PCDH10: variants seen among roughly 807,000 people sequenced by gnomAD.
PCDH10 encodes protocadherin-10.
In PCDH10, 15 loss-of-function variants were observed where a neutral mutation model predicts 74.4. The ratio of observed to expected loss-of-function variants is 0.20; its 90% CI spans 0.13 to 0.31. The LOEUF is 0.31. PCDH10 is among the 10% of genes least tolerant of loss of function. The probability of loss-of-function intolerance (pLI) is 1.00; values close to 1 mark genes in which losing one functional copy is unlikely to be tolerated. For synonymous variants in PCDH10, 619 were observed against 589.8 expected (o/e 1.05, Z -0.72); for missense variants, 1,260 against 1,390.2 (o/e 0.91, Z 1.49).
chr4:133,150,324 C>G lies in PCDH10; in HGVS notation c.184C>G (p.Pro62Ala). ...TCAGACGGTGCCCAACTCAAGGACC[C>G]CTTACTTAGACCTCAACCTGGAGAC... is the stretch of plus-strand genomic sequence containing the variant. ...GFQTVPNSRT[P>A]YLDLNLETGV... The change falls in exon 1 of 5, where the codon CCT (proline) becomes GCT (alanine). Residue 62 changes from proline (P) to alanine (A), a missense_variant. By Grantham distance (27) the Pro-to-Ala change is conservative. Transcript: ENST00000264360. The G allele has an allele frequency of 6.2e-7, 1 of 1,613,706 alleles. No individual in the cohort carries two copies. The highest frequency in any genetic ancestry group is 1.1e-5 in the South Asian group (1 of 91,044).
At chr4:133,199,333 T>C (rs1578581848), downstream of PCDH10, among the ~76,000 whole-genome samples, 1 of 136,660 alleles carries the variant, frequency 7.3e-6, no homozygotes, top group East Asian at 2.3e-4. Context: ...AATAATTAAT[T>C]AAATAGCAAG....
Position 133,152,556 on chromosome 4 carries a change from G to A in PCDH10, c.2416G>A (p.Glu806Lys). 1.2e-6 allele frequency: 2 copies of A among 1,614,150 alleles called. No homozygotes were observed. The highest frequency in any genetic ancestry group is 1.7e-6 in the Non-Finnish European group (2 of 1,180,028). ...TAACCCGGCCCAGGTGCCGATAGAG[G>A]AGTCCGGGGGCTTTGGCTCCCACCA... Reference protein sequence around the residue: ...PSNPAQVPIEESGGFGSHHHN... With the variant: ...PSNPAQVPIEKSGGFGSHHHN... Residue 806 changes from glutamate to lysine, a missense_variant, in exon 1 of 5, where the codon GAG becomes AAG. Glu to Lys is a moderately conservative substitution (Grantham distance 56). Around this residue, in one of 11 missense-constraint regions of PCDH10, gnomAD observed 587 missense variants for 616.9 expected, o/e 0.95. Transcript: ENST00000264360.
chr4:133,165,302 T>C lies in PCDH10; in HGVS notation c.3103+2020T>C, dbSNP rs1326546980. Among the ~76,000 whole-genome samples the C allele has an allele frequency of 1.1e-4, 4 of 37,110 alleles. No individual in the cohort carries two copies. In the South Asian group the frequency reaches 1.8e-3, roughly 17 times the overall value. The allele number at this position is 37,110 out of a possible 152,430, so 24.3% of individuals were successfully genotyped here. On this transcript the variant is annotated intron_variant, in intron 4 of 4. Coordinates refer to ENST00000264360, the MANE Select transcript of PCDH10 (RefSeq NM_032961.3). ...ACGACTTTAATCATGTCTAGACTGG[T>C]TTTTTTTTTTAATTTAACTTTTAGT... is the stretch of plus-strand genomic sequence containing the variant.
At chr4:133,179,783 A>G (rs1578572044) in intron 4 of PCDH10, among the ~76,000 whole-genome samples, 1 of 152,216 alleles carries the variant, frequency 6.6e-6, no homozygotes, top group East Asian at 1.9e-4. Flanking sequence ...CCCATGTTCC[A>G]TAACTGTGTC....
At chr4:133,154,862 T>C (rs1387990348) in intron 2 of PCDH10, 55 bp from the exon 3 acceptor site, 1 of 1,221,188 alleles carries the variant, frequency 8.2e-7, no homozygotes, top group East Asian at 2.3e-5. Flanking sequence ...CAGAAGAATG[T>C]TTTCTGTGTT....
intron 4 of PCDH10, among the ~76,000 whole-genome samples, chr4:133,180,668 T>A (rs1284204716): frequency 2.6e-5 from 4 of 152,006 alleles, no homozygotes; most frequent in Admixed American, 6.6e-5. Flanking sequence ...TAATTAAAAT[T>A]TGAACTTTTA....
chr4:133,178,061 T>C (rs549014409), intron 4 of PCDH10, among the ~76,000 whole-genome samples: 49 of 152,210 alleles, frequency 3.2e-4, no homozygotes, highest in Middle Eastern at 3.4e-3. Flanking sequence ...GAGAAGTAAA[T>C]ATTCTAGCTT....
At chr4:133,157,357 A>G (rs933860501) in intron 3 of PCDH10, among the ~76,000 whole-genome samples, 5 of 152,230 alleles carry the variant, frequency 3.3e-5, no homozygotes, top group African/African-American at 1.2e-4. Flanking sequence ...TACTGCTGTT[A>G]TGTACTATAA....
Position 133,192,099 on chromosome 4 carries a change from A to C in PCDH10, c.*1939A>C, listed in dbSNP as rs1192040580. On this transcript the variant is annotated 3_prime_UTR_variant, in exon 5 of 5. Coordinates refer to ENST00000264360, the MANE Select transcript of PCDH10 (RefSeq NM_032961.3). ...TCATATTCCAATCAGTTCATATATC[A>C]AAATAATGTATGTAATGTTCCAGCC... 6.6e-6 allele frequency: 1 copy of C among 151,638 alleles called. No individual in the cohort carries two copies. 9.4% of individuals were successfully genotyped at this position (151,638 alleles called of 1,614,324 possible). A position where few individuals can be genotyped will look rare whatever the true frequency, so the allele number is the denominator to read the frequency against.
intron 3 of PCDH10, among the ~76,000 whole-genome samples, chr4:133,156,539 TTTA>T (rs1198795085): frequency 6.6e-6 from 1 of 152,234 alleles, no homozygotes; most frequent in African/African-American, 2.4e-5. Flanking sequence ...TGGCATATGA[TTTA>T]TTGTTATCTT....
chr4:133,195,419 A>C (rs1295166672), downstream of PCDH10, among the ~76,000 whole-genome samples: 1 of 151,738 alleles, frequency 6.6e-6, no homozygotes, highest in Non-Finnish European at 1.5e-5. Flanking sequence ...GTTCTCAATG[A>C]AAGGTTAACA....
chr4:133,201,712 C>T (rs774909033), intron 2 of PCDH10, among the ~76,000 whole-genome samples: 6 of 151,898 alleles, frequency 4.0e-5, no homozygotes, highest in African/African-American at 1.2e-4. Context: ...CAAAATTAGC[C>T]GGGCATGGTG....
In PCDH10 at chr4:133,151,938, C is replaced by T; in HGVS notation, c.1798C>T (p.Leu600Phe). Reference protein sequence around the residue: ...LPRSAEPGYLLTRVAAVDADD... With the variant: ...LPRSAEPGYLFTRVAAVDADD... ...CCGCTCGGCGGAGCCGGGTTACCTG[C>T]TCACCCGCGTGGCCGCCGTGGACGC... Residue 600 changes from leucine to phenylalanine, a missense_variant, in exon 1 of 5, where the codon CTC (leucine) becomes TTC (phenylalanine). This residue lies in a region of PCDH10 where 587 missense variants were observed against 616.9 expected (regional missense o/e 0.95). Transcript: ENST00000264360. 1 of 1,612,288 alleles carries T rather than the reference C, an allele frequency of 6.2e-7. No individual in the cohort carries two copies. The highest frequency in any genetic ancestry group is 8.5e-7 in the Non-Finnish European group (1 of 1,179,642).
intron 3 of PCDH10, among the ~76,000 whole-genome samples, chr4:133,156,016 G>T (rs552657795): frequency 1.3e-5 from 2 of 152,188 alleles, no homozygotes; most frequent in African/African-American, 4.8e-5. Context: ...TGAAAATGTC[G>T]ATCTTAGACT....
chr4:133,175,557 A>G (rs1727280964), intron 4 of PCDH10, among the ~76,000 whole-genome samples: 1 of 152,156 alleles, frequency 6.6e-6, no homozygotes, highest in Admixed American at 6.6e-5. Context: ...AAATACCAAT[A>G]TAATAGCCAA....
At chr4:133,206,469 C>T (rs1728005912) in intron 2 of PCDH10, among the ~76,000 whole-genome samples, 1 of 152,150 alleles carries the variant, frequency 6.6e-6, no homozygotes, top group African/African-American at 2.4e-5. Flanking sequence ...ATTTTTACCC[C>T]TACTTCAGAA....
intron 3 of PCDH10, among the ~76,000 whole-genome samples, chr4:133,160,930 G>T (rs776608071): frequency 1.4e-4 from 21 of 151,704 alleles, no homozygotes; most frequent in Admixed American, 3.9e-4. Flanking sequence ...TAATAAATAG[G>T]CAGCACTTAT....
intron 2 of PCDH10, among the ~76,000 whole-genome samples, chr4:133,204,055 T>C (rs34078467): frequency 0.16 from 23,884 of 152,078 alleles, 2,170 homozygotes; most frequent in East Asian, 0.27. Flanking sequence ...CTAAACTCTC[T>C]CTCATTATTT....
At chr4:133,203,258 A>C (rs1315585991) in intron 2 of PCDH10, among the ~76,000 whole-genome samples, 7 of 152,120 alleles carry the variant, frequency 4.6e-5, no homozygotes. Context: ...CCAATTTTAT[A>C]TCTTTATTTC....
Sources: gnomAD v4.1 joint callset for allele counts (sites outside exome capture counted in the v4.1 genomes callset) on GRCh38, gnomAD v4.1.1 for gene constraint, gnomAD v4.1.1 regional missense constraint, MANE v1.5 for transcripts, NCBI Gene and HGNC (gene_info 2026-07-23, HGNC 2026-07-21) for gene names.